The following SEMA3F variants were observed in gnomAD, a reference collection of about 807,000 sequenced individuals.
The protein encoded by SEMA3F is semaphorin-3F.
Under a neutral mutation model 98.5 loss-of-function variants are expected in SEMA3F, and 30 were observed. The observed-to-expected ratio is 0.30, with a 90% CI of 0.23 to 0.41. The LOEUF (loss-of-function observed/expected upper bound fraction) is 0.41, where lower values mean the gene tolerates loss of function less well. SEMA3F is among the 10% of genes least tolerant of loss of function. The pLI is 1.00. For missense variants in SEMA3F, 866 were observed against 1,119.3 expected, an observed-to-expected ratio of 0.77 and a Z score of 3.23; for synonymous variants, 380 against 444.8, an observed-to-expected ratio of 0.85 and a Z score of 1.83.
At chr3:50,174,178 G>T in intron 4 of SEMA3F, 53 bp from the exon 5 acceptor site, 1 of 1,613,244 alleles carries the variant, frequency 6.2e-7, no homozygotes, top group Non-Finnish European at 8.5e-7. Flanking sequence ...ACTGCCCCCA[G>T]TGAGGGGGCA....
intron 2 of SEMA3F, among the ~76,000 whole-genome samples, chr3:50,171,162 CA>C (rs1698584611): frequency 6.6e-6 from 1 of 152,208 alleles, no homozygotes. Context: ...CACCTCCACC[CA>C]GGGGCAGACT....
rs773445932 is a variant in SEMA3F, at chr3:50,183,373, C to T, written c.1089-47C>T. 4 of 1,609,840 alleles carry T rather than the reference C, an allele frequency of 2.5e-6. No homozygotes were observed. The South Asian group carries it at 3.3e-5, about 13-fold the overall frequency. The stretch of plus-strand genomic sequence containing the variant: ...GGAGGGGGCAGTTTGGGGAGGGGCC[C>T]TAGGTGGAGGGTCTGTCCTGCTCAG... On this transcript the variant is annotated intron_variant, in intron 11 of 18. Coordinates refer to ENST00000002829, the MANE Select transcript of SEMA3F (RefSeq NM_004186.5).
rs1422280634 is a variant in SEMA3F at position 50,187,659 on chromosome 3, T to C, written c.1948-46T>C. The C allele has an allele frequency of 2.0e-6, 3 of 1,525,774 alleles. No homozygotes were observed. In the African/African-American group the frequency reaches 4.1e-5, roughly 21 times the overall value. 94.5% of individuals were successfully genotyped at this position (1,525,774 alleles called of 1,614,324 possible). A position where few individuals can be genotyped will look rare whatever the true frequency, so the allele number is the denominator to read the frequency against. On this transcript the variant is annotated intron_variant, in intron 18 of 18. Coordinates refer to ENST00000002829, the MANE Select transcript of SEMA3F (RefSeq NM_004186.5). ...CTGATCTGGTTGCTGGCTAGGGCCATAGGGTGGTCACAGAGCCTCTGAACC... is the reference window on the plus strand; with the variant it reads ...CTGATCTGGTTGCTGGCTAGGGCCACAGGGTGGTCACAGAGCCTCTGAACC...
At chr3:50,170,050 T>C (rs942758079) in intron 2 of SEMA3F, among the ~76,000 whole-genome samples, 5 of 152,164 alleles carry the variant, frequency 3.3e-5, no homozygotes, top group Admixed American at 1.3e-4. Context: ...CACTCTCCTT[T>C]GGGCCTCAGT....
In SEMA3F at chr3:50,165,290, A is replaced by G. The variant is rs3774741; in HGVS notation, c.112+5556A>G. 0.054 allele frequency among the ~76,000 whole-genome samples: 8,206 copies of G among 152,244 alleles called. 1,583 individuals are homozygous for G. In the East Asian group the frequency reaches 0.61, roughly 11 times the overall value. ...TAGATGCAGTCTTGCTTTTGGGACA[A>G]GGATGTAGAGTTCTACTTTCTGTTT... On this transcript the variant is annotated intron_variant, in intron 2 of 18. Transcript: ENST00000002829.
chr3:50,177,412 G>C (rs1698853840), intron 7 of SEMA3F, among the ~76,000 whole-genome samples: 1 of 152,176 alleles, frequency 6.6e-6, no homozygotes, highest in African/African-American at 2.4e-5. Flanking sequence ...CCTAACTGCA[G>C]GTTGGGTGAA....
At chr3:50,186,255 C>T (rs780669482) in intron 16 of SEMA3F, 26 bp from the exon 17 acceptor site, 1 of 1,610,062 alleles carries the variant, frequency 6.2e-7, no homozygotes, top group Non-Finnish European at 8.5e-7. Flanking sequence ...CCTGGGAGCA[C>T]TCCTTCAGGG....
chr3:50,185,645 C>A (rs369488495), intron 14 of SEMA3F, 21 bp from the exon 15 acceptor site: 1 of 1,613,988 alleles, frequency 6.2e-7, no homozygotes, highest in African/African-American at 1.3e-5. Context: ...GCATCCCAAG[C>A]TGATCTTTAT....
At chr3:50,162,380 CTG>C (rs1698239295) in intron 2 of SEMA3F, among the ~76,000 whole-genome samples, 1 of 152,332 alleles carries the variant, frequency 6.6e-6, no homozygotes, top group South Asian at 2.1e-4. Flanking sequence ...GGCCCAGCTT[CTG>C]GGCTTCAGCA....
At chr3:50,186,571 C>A in intron 17 of SEMA3F, 42 bp from the exon 18 acceptor site, 1 of 1,568,632 alleles carries the variant, frequency 6.4e-7, no homozygotes. Flanking sequence ...GCAGGCTGCC[C>A]GGAGGTGATG....
chr3:50,183,665 G>C, intron 12 of SEMA3F, 101 bp downstream of exon 12: 1 of 1,292,102 alleles, frequency 7.7e-7, no homozygotes, highest in Non-Finnish European at 1.1e-6. Flanking sequence ...GGCCCTCCCA[G>C]CCAGCGGAGG....
chr3:50,155,345 TGGCCCGGGCTGGG>T lies in SEMA3F; in HGVS notation c.-266_-254del. On this transcript the variant is annotated 5_prime_UTR_variant, in exon 1 of 19. The change abolishes the stop of an existing upstream ORF in the 5' untranslated region. Coordinates refer to ENST00000002829, the MANE Select transcript of SEMA3F (RefSeq NM_004186.5). The surrounding 1 kb of genome is among the most constrained non-coding windows in gnomAD (Gnocchi z 4.9). ...CCCCGAGCGCCCCTGAGCCTTCCCA[TGGCCCGGGCTGGG>T]GCCCGGGCCCTCGGCTGCTGACGCG... 3.4e-6 allele frequency: 1 copy of T among 294,296 alleles called. No individual in the cohort carries two copies. The highest frequency in any genetic ancestry group is 6.2e-6 in the Non-Finnish European group (1 of 161,720). The allele number at this position is 294,296 out of a possible 1,614,324, so 18.2% of individuals were successfully genotyped here.
chr3:50,161,615 C>T (rs1698212087), intron 2 of SEMA3F, among the ~76,000 whole-genome samples: 1 of 152,240 alleles, frequency 6.6e-6, no homozygotes, highest in South Asian at 2.1e-4. Flanking sequence ...TTCCCCTGCC[C>T]TGAATGACCT....
Position 50,186,684 on chromosome 3 carries a change from C to G in SEMA3F, c.1885C>G (p.Arg629Gly). 6.2e-7 allele frequency: 1 copy of G among 1,610,624 alleles called. No homozygotes were observed. The highest frequency in any genetic ancestry group is 8.5e-7 in the Non-Finnish European group (1 of 1,177,668). ...GSAAFLECQP[R>G]SPQATVKWLF... ...CGCAGCCTTCCTTGAGTGCCAGCCC[C>G]GCTCGCCCCAAGCCACTGTTAAGTG... Residue 629 changes from arginine to glycine, a missense_variant, in exon 18 of 19, where the codon CGC becomes GGC. Coordinates refer to ENST00000002829, the MANE Select transcript of SEMA3F (RefSeq NM_004186.5).
rs1167990774 is a variant in SEMA3F at position 50,183,591 on chromosome 3, C to A, written c.1233+27C>A. 1.9e-6 allele frequency: 3 copies of A among 1,610,008 alleles called. No individual in the cohort carries two copies. The South Asian group carries it at 3.3e-5, about 18-fold the overall frequency. ...TAAGGACCCCACTCATCCTGCCTCT[C>A]CCCTTTCTCTTCTTCTAAGAGGCCT... On this transcript the variant is annotated intron_variant, in intron 12 of 18. Transcript: ENST00000002829.
At chr3:50,181,316 T>G (rs1415068964) in intron 7 of SEMA3F, among the ~76,000 whole-genome samples, 1 of 152,032 alleles carries the variant, frequency 6.6e-6, no homozygotes, top group Non-Finnish European at 1.5e-5. Context: ...GTGTTTTTTT[T>G]TTTTATTTTT....
chr3:50,187,878 C>T lies in SEMA3F; in HGVS notation c.2121C>T (p.Phe707=). 1 of 1,612,460 alleles carries T rather than the reference C, an allele frequency of 6.2e-7. No individual in the cohort carries two copies. The highest frequency in any genetic ancestry group is 8.5e-7 in the Non-Finnish European group (1 of 1,179,404). Residue 707 remains phenylalanine, a synonymous_variant, in exon 19 of 19, where the codon TTC becomes TTT. Transcript: ENST00000002829. ...GGGACGCCGTCCATGCTGCCCTCTTCCCACCACTGTCCATGAGCGCCCCGC... is the reference window on the plus strand; with the variant it reads ...GGGACGCCGTCCATGCTGCCCTCTTTCCACCACTGTCCATGAGCGCCCCGC... ...LGRDAVHAAL[F]PPLSMSAPPP...
In SEMA3F at chr3:50,173,941, C is replaced by T. The variant is rs771554773; in HGVS notation, c.261C>T (p.Arg87=). The part of the protein sequence containing the change: ...VLSLDLHDIN[R]EPLIIHWAAS... ...CCCTGGACCTGCACGACATCAACCG[C>T]GAGCCCCTCATTGTAAGGGCTGGCC... Residue 87 remains arginine (R), a synonymous_variant, in exon 3 of 19, where the codon CGC becomes CGT. Coordinates refer to ENST00000002829, the MANE Select transcript of SEMA3F (RefSeq NM_004186.5). The T allele has an allele frequency of 3.7e-5, 60 of 1,613,990 alleles. No homozygotes were observed. Among genetic ancestry groups the T allele is most frequent in the Middle Eastern group, 1.6e-4 (1 of 6,084 alleles).
chr3:50,184,307 G>T (rs1409481438), intron 12 of SEMA3F: 3 of 488,224 alleles, frequency 6.1e-6, no homozygotes, highest in Non-Finnish European at 1.1e-5. Context: ...GATGACAGGG[G>T]TGGGGAGGGG....
Sources: allele counts gnomAD v4.1 joint callset (sites outside exome capture counted in the v4.1 genomes callset), GRCh38; gene constraint gnomAD v4.1.1; non-coding constraint Gnocchi (gnomAD v3.1); transcripts MANE v1.5; gene names NCBI Gene and HGNC (gene_info 2026-07-23, HGNC 2026-07-21).